The following MXRA8 variants were observed in gnomAD, a reference collection of about 807,000 sequenced individuals.
MXRA8 encodes matrix remodeling associated 8, also known as matrix remodeling-associated protein 8.
MXRA8 carries 44 observed loss-of-function variants against 51.4 expected under a neutral mutation model. The observed-to-expected ratio is 0.86, with a 90% CI of 0.67 to 1.10. The LOEUF (loss-of-function observed/expected upper bound fraction) is 1.10, where lower values mean the gene tolerates loss of function less well. MXRA8 is among the 50% of genes least tolerant of loss of function. MXRA8 has a pLI of 0.00. For synonymous variants in MXRA8, 369 were observed against 293.5 expected, an observed-to-expected ratio of 1.26 and a Z score of -2.63; for missense variants, 765 against 638.9, an observed-to-expected ratio of 1.20 and a Z score of -2.13.
chr1:1,353,848 C>G lies in MXRA8; in HGVS notation c.1303G>C (p.Gly435Arg). 3 of 1,591,534 alleles carry G rather than the reference C, an allele frequency of 1.9e-6. No individual in the cohort carries two copies. Among genetic ancestry groups the G allele is most frequent in the Non-Finnish European group, 2.6e-6 (3 of 1,168,884 alleles). Residue 435 changes from glycine (G) to arginine (R), a missense_variant and splice_region_variant, in exon 9 of 10, where the codon GGG becomes CGG. Transcript: ENST00000309212. ...LPAKYIDLDKGFRKENCK is the reference protein window; with the variant it reads ...LPAKYIDLDKRFRKENCK ...GGCTGAGGTCGCCCCCGCCGCTCAC[C>G]TTTGTCTAGGTCGATGTACTTGGCA...
Position 1,352,881 on chromosome 1 carries a change from CAG to C in MXRA8, c.*721_*722del, listed in dbSNP as rs548044004. On this transcript the variant is annotated 3_prime_UTR_variant, in exon 10 of 10. Transcript: ENST00000309212. ...CAGGCAGAGTCCAAGGGAGGGGTGT[CAG>C]GGTCAGAAGTCACAGGGAGCCCAGT... is the stretch of plus-strand genomic sequence containing the variant. 155 of 280,098 alleles carry C rather than the reference CAG, an allele frequency of 5.5e-4. No homozygotes were observed. Among genetic ancestry groups the C allele is most frequent in the Non-Finnish European group, 8.3e-4 (122 of 146,194 alleles). 17.4% of individuals were successfully genotyped at this position (280,098 alleles called of 1,614,324 possible). A position where few individuals can be genotyped will look rare whatever the true frequency, so the allele number is the denominator to read the frequency against.
intron 1 of MXRA8, among the ~76,000 whole-genome samples, chr1:1,357,379 A>G (rs957466784): frequency 2.6e-5 from 4 of 151,800 alleles, no homozygotes; most frequent in African/African-American, 9.7e-5. Flanking sequence ...CGCCCTACGC[A>G]CTGTCCCCTG....
At chr1:1,361,348 C>G, upstream of MXRA8, 1 of 702,490 alleles carries the variant, frequency 1.4e-6, no homozygotes, top group Admixed American at 2.0e-5. Flanking sequence ...GCACTGGGGA[C>G]TCAGCACTAA....
intron 9 of MXRA8, 44 bp downstream of exon 9, chr1:1,353,804 C>T (rs1644054033): frequency 1.3e-6 from 2 of 1,529,418 alleles, no homozygotes; most frequent in Non-Finnish European, 1.8e-6. Flanking sequence ...GGAATGGGGA[C>T]AGGCAGGGCT....
At chr1:1,355,869 CAGGA>C in intron 2 of MXRA8, 117 bp from the exon 3 acceptor site, 1 of 711,970 alleles carries the variant, frequency 1.4e-6, no homozygotes, top group Non-Finnish European at 1.8e-6. Context: ...AAGGGACGGG[CAGGA>C]CCAGAGGGCC....
upstream of MXRA8, among the ~76,000 whole-genome samples, chr1:1,360,519 C>G (rs1644208443): frequency 3.0e-5 from 2 of 65,910 alleles, no homozygotes; most frequent in South Asian, 8.4e-4. Flanking sequence ...GTCTGCAGAG[C>G]TGTGGGTGTG....
At chr1:1,353,665 C>T in intron 9 of MXRA8, 36 bp from the exon 10 acceptor site, 6 of 1,547,798 alleles carry the variant, frequency 3.9e-6, no homozygotes, top group Non-Finnish European at 5.3e-6. Context: ...TGGCGGCTGT[C>T]CTCCACCCTC....
chr1:1,354,588 G>T (rs2100801988), intron 5 of MXRA8, 79 bp from the exon 6 acceptor site: 1 of 1,560,870 alleles, frequency 6.4e-7, no homozygotes. Context: ...CCCCCGCTGG[G>T]ATCCGCGGGC....
chr1:1,360,889 GACAC>G (rs533125480), upstream of MXRA8, among the ~76,000 whole-genome samples: 2 of 150,234 alleles, frequency 1.3e-5, no homozygotes, highest in Non-Finnish European at 2.9e-5. Context: ...CACACATGGA[GACAC>G]ACAGAGATAC....
upstream of MXRA8, among the ~76,000 whole-genome samples, chr1:1,360,650 GTCC>G (rs987298263): frequency 2.0e-5 from 3 of 152,146 alleles, no homozygotes; most frequent in Admixed American, 1.3e-4. Context: ...GCCCTGGACC[GTCC>G]TCCTAGCCCC....
intron 8 of MXRA8, 29 bp from the exon 9 acceptor site, chr1:1,353,957 C>G (rs750717116): frequency 3.8e-5 from 61 of 1,603,488 alleles, no homozygotes; most frequent in East Asian, 1.3e-4. Context: ...CTGAGGTCCC[C>G]GCTCCCAGGA....
Position 1,355,251 on chromosome 1 carries a change from G to A in MXRA8, c.471C>T (p.Thr157=), listed in dbSNP as rs768121215. The change falls in exon 4 of 10, where the codon ACC becomes ACT. Residue 157 remains threonine, a synonymous_variant. Transcript: ENST00000309212. ...YESLAVRLEV[T]DGPPATPAYW... The stretch of plus-strand genomic sequence containing the variant: ...CGGGGGGGAAGCACTCACGGCCGTC[G>A]GTGACCTCCAGGCGGACGGCCAGGC... The A allele has an allele frequency of 1.2e-5, 18 of 1,558,110 alleles. No individual in the cohort carries two copies. In the Admixed American group the frequency reaches 1.9e-4, roughly 16 times the overall value.
Position 1,355,322 on chromosome 1 carries a change from G to T in MXRA8, c.400C>A (p.Leu134Met). 6.3e-7 allele frequency: 1 copy of T among 1,578,284 alleles called. No individual in the cohort carries two copies. Among genetic ancestry groups the T allele is most frequent in the Non-Finnish European group, 8.6e-7 (1 of 1,165,826 alleles). The change falls in exon 4 of 10, where the codon CTG becomes ATG. Residue 134 changes from leucine (L) to methionine (M), a missense_variant. Coordinates refer to ENST00000309212, the MANE Select transcript of MXRA8 (RefSeq NM_032348.4). ...TGATGGTGCAGGTTGCAGGTGTACAGCCCCGCGTCCGTCTCCTCCACCGCT... is the reference window on the plus strand; with the variant it reads ...TGATGGTGCAGGTTGCAGGTGTACATCCCCGCGTCCGTCTCCTCCACCGCT... ...IRAVEETDAGLYTCNLHHHYC... is the reference protein window; with the variant it reads ...IRAVEETDAGMYTCNLHHHYC...
At chr1:1,361,629 CAG>C (rs1389354881), upstream of MXRA8, 2 of 382,470 alleles carry the variant, frequency 5.2e-6, no homozygotes, top group African/African-American at 2.1e-5. Flanking sequence ...CCAACACAGA[CAG>C]GGTTAGGCTC....
At position 1,354,973 on chromosome 1, in the gene MXRA8, C is replaced by T. The variant is rs2100804322; in HGVS notation, c.658G>A (p.Asp220Asn). 2 of 1,597,282 alleles carry T rather than the reference C, an allele frequency of 1.3e-6. No individual in the cohort carries two copies. Among genetic ancestry groups the T allele is most frequent in the East Asian group, 2.3e-5 (1 of 44,120 alleles). ...QPPGVPHDRA[D>N]RLLDLYASGE... ...GACGCGTAGAGGTCCAGCAGGCGGTCCGCGCGGTCGTGCGGGACCCCGGGC... is the reference window on the plus strand; with the variant it reads ...GACGCGTAGAGGTCCAGCAGGCGGTTCGCGCGGTCGTGCGGGACCCCGGGC... The change falls in exon 5 of 10, where the codon GAC (aspartate) becomes AAC (asparagine). Residue 220 changes from aspartate (D) to asparagine (N), a missense_variant. Physicochemically the swap from Asp to Asn is conservative, Grantham distance 23 (BLOSUM62 1). Coordinates refer to ENST00000309212, the MANE Select transcript of MXRA8 (RefSeq NM_032348.4).
At chr1:1,361,125 A>T, upstream of MXRA8, 1 of 697,520 alleles carries the variant, frequency 1.4e-6, no homozygotes, top group Admixed American at 2.0e-5. Flanking sequence ...ATGCACATGA[A>T]GACACACGGA....
At chr1:1,356,122 C>T (rs1242190392) in intron 2 of MXRA8, among the ~76,000 whole-genome samples, 13 of 78,730 alleles carry the variant, frequency 1.7e-4, no homozygotes, top group Admixed American at 3.2e-4. Flanking sequence ...CCCCTGAGGC[C>T]CCTCGTGGTG....
At position 1,355,365 on chromosome 1, in the gene MXRA8, C is replaced by T; in HGVS notation, c.377-20G>A. ...CCACCGCTGCGCACCCAGGAGGAAG[C>T]CGCGCGTGAGCCTTGCGGTGCCCCC... On this transcript the variant is annotated intron_variant, in intron 3 of 9. Transcript: ENST00000309212. 2 of 1,565,954 alleles carry T rather than the reference C, an allele frequency of 1.3e-6. No individual in the cohort carries two copies.
chr1:1,358,661 C>T (rs560391110), upstream of MXRA8: 15 of 1,408,278 alleles, frequency 1.1e-5, no homozygotes, highest in African/African-American at 5.9e-5. Context: ...TCCTGCCGGG[C>T]CCCTTGGCCT....
Sources: gnomAD v4.1 joint callset for allele counts (sites outside exome capture counted in the v4.1 genomes callset) on GRCh38, gnomAD v4.1.1 for gene constraint, MANE v1.5 for transcripts, NCBI Gene and HGNC (gene_info 2026-07-23, HGNC 2026-07-21) for gene names.